P2RX7: variants seen among roughly 807,000 people sequenced by gnomAD.
P2RX7 encodes purinergic receptor P2X 7.
Under a neutral mutation model 71.6 loss-of-function variants are expected in P2RX7, and 62 were observed. The ratio of observed to expected loss-of-function variants is 0.87; its 90% CI spans 0.71 to 1.07. The LOEUF (loss-of-function observed/expected upper bound fraction) is 1.07, where lower values mean the gene tolerates loss of function less well. P2RX7 is among the 50% of genes least tolerant of loss of function. The probability of loss-of-function intolerance (pLI) is 0.00; values close to 1 mark genes in which losing one functional copy is unlikely to be tolerated. For synonymous variants in P2RX7, 299 were observed against 283.3 expected (o/e 1.06, Z -0.56); for missense variants, 686 against 748.5 (o/e 0.92, Z 0.97).
At chr12:121,166,652 T>C (rs1207223113) in intron 7 of P2RX7, among the ~76,000 whole-genome samples, 3 of 152,006 alleles carry the variant, frequency 2.0e-5, no homozygotes, top group African/African-American at 7.2e-5. Flanking sequence ...CTGTGTCCAA[T>C]CTCCCTTTGC....
chr12:121,148,188 T>A (rs545718197), intron 1 of P2RX7, among the ~76,000 whole-genome samples: 96 of 140,416 alleles, frequency 6.8e-4, no homozygotes, highest in Non-Finnish European at 1.4e-3. Flanking sequence ...CTGGGATCTT[T>A]TTTATTTATT....
At chr12:121,138,983 C>G (rs1056592537) in intron 1 of P2RX7, among the ~76,000 whole-genome samples, 1 of 152,170 alleles carries the variant, frequency 6.6e-6, no homozygotes, top group Non-Finnish European at 1.5e-5. Flanking sequence ...CTCTGGTTAC[C>G]GAGACTGGAG....
At chr12:121,164,645 G>T (rs540244847) in intron 5 of P2RX7, among the ~76,000 whole-genome samples, 1 of 152,128 alleles carries the variant, frequency 6.6e-6, no homozygotes, top group African/African-American at 2.4e-5. Context: ...AGCCAGGTGT[G>T]GTGGCACACG....
chr12:121,141,532 G>A (rs960749076), intron 1 of P2RX7, among the ~76,000 whole-genome samples: 2 of 152,214 alleles, frequency 1.3e-5, no homozygotes, highest in Non-Finnish European at 2.9e-5. Flanking sequence ...ATCATGGAGC[G>A]CCTTGAGCTG....
At chr12:121,143,726 T>C (rs1467228921) in intron 1 of P2RX7, among the ~76,000 whole-genome samples, 2 of 151,310 alleles carry the variant, frequency 1.3e-5, no homozygotes, top group African/African-American at 4.9e-5. Context: ...GGCAGGCACC[T>C]ATATAATCCC....
intron 2 of P2RX7, chr12:121,155,509 T>G (rs975982377): frequency 1.2e-6 from 1 of 824,204 alleles, no homozygotes. Context: ...GAAATTAAAG[T>G]AGGGTTGAGG....
chr12:121,144,982 T>C (rs1875818253), intron 1 of P2RX7, among the ~76,000 whole-genome samples: 1 of 152,088 alleles, frequency 6.6e-6, no homozygotes, highest in Non-Finnish European at 1.5e-5. Context: ...TTGAGGTGTC[T>C]ATGGAATGTA....
At chr12:121,150,863 C>T (rs959844627) in intron 1 of P2RX7, among the ~76,000 whole-genome samples, 4 of 152,120 alleles carry the variant, frequency 2.6e-5, no homozygotes, top group Non-Finnish European at 4.4e-5. Flanking sequence ...AAGCTGAGAT[C>T]GCGCCATTGC....
chr12:121,138,827 G>A (rs537835137), intron 1 of P2RX7, among the ~76,000 whole-genome samples: 13 of 152,354 alleles, frequency 8.5e-5, no homozygotes, highest in Admixed American at 2.6e-4. Context: ...TCTGGGACAT[G>A]CTTCTTGGCC....
intron 8 of P2RX7, among the ~76,000 whole-genome samples, chr12:121,169,157 G>A (rs772924136): frequency 2.6e-5 from 4 of 152,038 alleles, no homozygotes; most frequent in East Asian, 1.9e-4. Context: ...TTGTAGAGTC[G>A]GGGTCTCACT....
chr12:121,161,789 T>TAAAA (rs11443206), intron 4 of P2RX7, among the ~76,000 whole-genome samples: 1 of 119,544 alleles, frequency 8.4e-6, no homozygotes, highest in Non-Finnish European at 1.8e-5. Flanking sequence ...GAGACCCCTT[T>TAAAA]AAAAAAAAAA....
chr12:121,168,995 C>T (rs938073428), intron 8 of P2RX7, among the ~76,000 whole-genome samples: 3 of 152,002 alleles, frequency 2.0e-5, no homozygotes, highest in Admixed American at 6.6e-5. Flanking sequence ...GACAGAGTCT[C>T]ACTCTGTCAC....
In P2RX7 at chr12:121,187,447, C is replaced by T. The variant is rs987055056; in HGVS notation, c.*2645C>T. ...TATGATTTCTTTGGAGCTTACATTTCTTTACTTCACGAATTCTATGTCACT... is the reference window on the plus strand; with the variant it reads ...TATGATTTCTTTGGAGCTTACATTTTTTTACTTCACGAATTCTATGTCACT... On this transcript the variant is annotated 3_prime_UTR_variant, in exon 13 of 13. Coordinates refer to ENST00000328963, the MANE Select transcript of P2RX7 (RefSeq NM_002562.6). The T allele has an allele frequency of 2.0e-5, 3 of 152,212 alleles. No homozygotes were observed. The East Asian group carries it at 5.8e-4, about 29-fold the overall frequency. 9.4% of individuals were successfully genotyped at this position (152,212 alleles called of 1,614,324 possible).
chr12:121,148,762 C>T (rs1191608391), intron 1 of P2RX7, among the ~76,000 whole-genome samples: 3 of 152,208 alleles, frequency 2.0e-5, no homozygotes, highest in African/African-American at 7.2e-5. Flanking sequence ...TGCTGAGCCC[C>T]CACCATGGCC....
At chr12:121,173,176 T>TTTTGTTTGTTTG (rs148833286) in intron 8 of P2RX7, among the ~76,000 whole-genome samples, 8 of 150,778 alleles carry the variant, frequency 5.3e-5, no homozygotes, top group Admixed American at 1.3e-4. Flanking sequence ...TCAAAGAATA[T>TTTTGTTTGTTTG]TTTGTTTGTT....
intron 7 of P2RX7, among the ~76,000 whole-genome samples, chr12:121,166,435 A>G (rs990202126): frequency 3.3e-5 from 5 of 152,216 alleles, no homozygotes; most frequent in Admixed American, 6.5e-5. Context: ...ATCAAAGCTT[A>G]GTGGCTTCAA....
chr12:121,166,618 C>G (rs539989621), intron 7 of P2RX7, among the ~76,000 whole-genome samples: 2 of 152,266 alleles, frequency 1.3e-5, no homozygotes, highest in African/African-American at 4.8e-5. Flanking sequence ...CATCTTGCCT[C>G]AGTGGCCACT....
In P2RX7 at chr12:121,177,404, C is replaced by T. The variant is rs1048307427; in HGVS notation, c.1146C>T (p.Tyr382=). ...KCCQPCVVNE[Y]YYRKKCESIV... ...GTCAGCCCTGTGTGGTCAACGAATACTACTACAGGAAGAAGTGCGAGTCCA... is the reference window on the plus strand; with the variant it reads ...GTCAGCCCTGTGTGGTCAACGAATATTACTACAGGAAGAAGTGCGAGTCCA... The change falls in exon 11 of 13, where the codon TAC becomes TAT. Residue 382 remains tyrosine, a synonymous_variant. Transcript: ENST00000328963. 8 of 1,613,690 alleles carry T rather than the reference C, an allele frequency of 5.0e-6. No individual in the cohort carries two copies. The highest frequency in any genetic ancestry group is 1.7e-5 in the Admixed American group (1 of 59,980).
In P2RX7 at chr12:121,140,248, C is replaced by A. The variant is rs568761292; in HGVS notation, c.125+7153C>A. On this transcript the variant is annotated intron_variant, in intron 1 of 12. Coordinates refer to ENST00000328963, the MANE Select transcript of P2RX7 (RefSeq NM_002562.6). ...CTGGAAACAAGAGGAACAGCAAGGA[C>A]AGCATGTCCCAGAACCTGGGGAGAG... 5.0e-4 allele frequency among the ~76,000 whole-genome samples: 76 copies of A among 152,326 alleles called. No homozygotes were observed. The East Asian group carries it at 6.2e-3, about 12-fold the overall frequency.
Sources: gnomAD v4.1 joint callset for allele counts (sites outside exome capture counted in the v4.1 genomes callset) on GRCh38, gnomAD v4.1.1 for gene constraint, MANE v1.5 for transcripts, NCBI Gene and HGNC (gene_info 2026-07-23, HGNC 2026-07-21) for gene names.